The following HS3ST2 variants were observed in gnomAD, a reference collection of about 807,000 sequenced individuals.
HS3ST2 encodes the protein heparan sulfate glucosamine 3-O-sulfotransferase 2.
A neutral mutation model predicts 26.3 loss-of-function variants in HS3ST2; 17 were observed. The ratio of observed to expected loss-of-function variants is 0.65; its 90% CI spans 0.44 to 0.97. The LOEUF is 0.97. Ranked by LOEUF, HS3ST2 falls within the 50% of genes least tolerant of loss-of-function variation. The probability of loss-of-function intolerance (pLI) is 0.00; values close to 1 mark genes in which losing one functional copy is unlikely to be tolerated. For synonymous variants in HS3ST2, 237 were observed against 219.2 expected, an observed-to-expected ratio of 1.08 and a Z score of -0.72; for missense variants, 402 against 501.2, an observed-to-expected ratio of 0.80 and a Z score of 1.89.
intron 1 of HS3ST2, among the ~76,000 whole-genome samples, chr16:22,885,003 G>A (rs958399214): frequency 6.6e-6 from 1 of 151,804 alleles, no homozygotes; most frequent in African/African-American, 2.4e-5. Flanking sequence ...ACCACGCCCA[G>A]CTAATTTTTT....
chr16:22,888,159 C>T (rs1171359692), intron 1 of HS3ST2, among the ~76,000 whole-genome samples: 2 of 152,194 alleles, frequency 1.3e-5, no homozygotes, highest in East Asian at 3.9e-4. Context: ...TTTCTTAGGT[C>T]ACCTTCCAAA....
intron 1 of HS3ST2, among the ~76,000 whole-genome samples, chr16:22,820,543 C>T (rs988607004): frequency 1.3e-5 from 2 of 152,152 alleles, no homozygotes; most frequent in African/African-American, 4.8e-5. Flanking sequence ...TGGCAGCAGG[C>T]AAGAGAGAAA....
chr16:22,857,302 C>T (rs548127013), intron 1 of HS3ST2, among the ~76,000 whole-genome samples: 3 of 152,294 alleles, frequency 2.0e-5, no homozygotes, highest in South Asian at 2.1e-4. Context: ...TCTTTCCACA[C>T]GTATGTTACC....
At chr16:22,846,653 C>G (rs369585151) in intron 1 of HS3ST2, among the ~76,000 whole-genome samples, 1 of 152,092 alleles carries the variant, frequency 6.6e-6, no homozygotes. Flanking sequence ...ATGAGAGGTT[C>G]GAGGAACTAC....
intron 1 of HS3ST2, among the ~76,000 whole-genome samples, chr16:22,893,629 CTTTTCTTT>C (rs1322114095): frequency 3.0e-5 from 2 of 66,032 alleles, no homozygotes; most frequent in African/African-American, 1.2e-4. Flanking sequence ...TTCTTTTTTT[CTTTTCTTT>C]TTTTTTTTTT....
In HS3ST2 at chr16:22,893,171, A is replaced by T. The variant is rs145390694; in HGVS notation, c.486-21773A>T. Among the ~76,000 whole-genome samples the T allele has an allele frequency of 2.6e-3, 389 of 152,358 alleles. 2 individuals are homozygous for T. Among genetic ancestry groups the T allele is most frequent in the African/African-American group, 9.1e-3 (378 of 41,590 alleles). ...AATTTGTATCTTAGCTTCGCTATTC[A>T]GTACCTTGGGTCTTTGGGCGGGTTA... On this transcript the variant is annotated intron_variant, in intron 1 of 1. Transcript: ENST00000261374.
intron 1 of HS3ST2, among the ~76,000 whole-genome samples, chr16:22,893,810 A>T (rs761121334): frequency 2.6e-5 from 4 of 151,670 alleles, no homozygotes; most frequent in Non-Finnish European, 5.9e-5. Flanking sequence ...CTTTTTTTGA[A>T]GCAGCGTCCC....
chr16:22,888,204 C>T (rs1902087049), intron 1 of HS3ST2, among the ~76,000 whole-genome samples: 2 of 152,096 alleles, frequency 1.3e-5, no homozygotes, highest in African/African-American at 4.8e-5. Flanking sequence ...GTCTCTGTGT[C>T]TGCTTTTGGA....
chr16:22,847,863 AG>A, intron 1 of HS3ST2, among the ~76,000 whole-genome samples: 2 of 151,188 alleles, frequency 1.3e-5, no homozygotes, highest in Non-Finnish European at 3.0e-5. Flanking sequence ...AAGGAGAAAA[AG>A]AAAAAAAAAG....
chr16:22,842,194 T>G (rs1901369283), intron 1 of HS3ST2, among the ~76,000 whole-genome samples: 2 of 151,756 alleles, frequency 1.3e-5, no homozygotes, highest in Non-Finnish European at 2.9e-5. Context: ...TCCGAGTAGC[T>G]GGGACTAAAG....
chr16:22,856,271 C>A (rs1375684124), intron 1 of HS3ST2, among the ~76,000 whole-genome samples: 2 of 152,186 alleles, frequency 1.3e-5, no homozygotes, highest in African/African-American at 4.8e-5. Context: ...CATTTTCCAG[C>A]AGACGGAAGA....
chr16:22,906,481 C>T (rs1288628812), intron 1 of HS3ST2, among the ~76,000 whole-genome samples: 4 of 152,156 alleles, frequency 2.6e-5, no homozygotes, highest in African/African-American at 9.7e-5. Context: ...CTCCAAAACC[C>T]CCTCAAGTGG....
At chr16:22,845,641 C>T (rs73543168) in intron 1 of HS3ST2, among the ~76,000 whole-genome samples, 2,717 of 152,150 alleles carry the variant, frequency 0.018, 77 homozygotes, top group African/African-American at 0.061. Context: ...GTGAGCCATG[C>T]GCCTGGCCTA....
intron 1 of HS3ST2, among the ~76,000 whole-genome samples, chr16:22,848,598 T>C (rs573006946): frequency 6.6e-6 from 1 of 152,270 alleles, no homozygotes; most frequent in South Asian, 2.1e-4. Context: ...AGAAAGGAAT[T>C]CTCTACCTTC....
At chr16:22,892,073 G>T (rs1304434870) in intron 1 of HS3ST2, among the ~76,000 whole-genome samples, 5 of 144,484 alleles carry the variant, frequency 3.5e-5, no homozygotes, top group African/African-American at 1.3e-4. Flanking sequence ...AGGAGATCGA[G>T]ATCATCCTGG....
intron 1 of HS3ST2, among the ~76,000 whole-genome samples, chr16:22,886,023 T>C (rs575706923): frequency 2.0e-5 from 3 of 152,244 alleles, no homozygotes; most frequent in African/African-American, 7.2e-5. Flanking sequence ...GAGAGCTAAA[T>C]GTACGTGGCT....
In HS3ST2 at chr16:22,894,592, A is replaced by G. The variant is rs149327295; in HGVS notation, c.486-20352A>G. 7.2e-3 allele frequency among the ~76,000 whole-genome samples: 1,094 copies of G among 152,060 alleles called. 12 individuals are homozygous for G. Among genetic ancestry groups the G allele is most frequent in the African/African-American group, 0.022 (921 of 41,484 alleles). ...AGCCTTCTCCTCTTTCCTAAGTCCA[A>G]TGCCTCTCACAAATCAGCCTCAGGG... On this transcript the variant is annotated intron_variant, in intron 1 of 1. Coordinates refer to ENST00000261374, the MANE Select transcript of HS3ST2 (RefSeq NM_006043.2).
chr16:22,877,417 G>T (rs974252907), intron 1 of HS3ST2, among the ~76,000 whole-genome samples: 6 of 152,228 alleles, frequency 3.9e-5, no homozygotes, highest in Admixed American at 3.9e-4. Context: ...CTCAACATGA[G>T]CAGACTGGTT....
chr16:22,832,263 C>A (rs1901182508), intron 1 of HS3ST2, among the ~76,000 whole-genome samples: 1 of 151,610 alleles, frequency 6.6e-6, no homozygotes, highest in South Asian at 2.1e-4. Context: ...TCTCAAAGTG[C>A]TAGGATCACA....
Sources: allele counts gnomAD v4.1 joint callset (sites outside exome capture counted in the v4.1 genomes callset), GRCh38; gene constraint gnomAD v4.1.1; transcripts MANE v1.5; gene names NCBI Gene and HGNC (gene_info 2026-07-23, HGNC 2026-07-21).